The following SGK1 variants were observed in gnomAD, a reference collection of about 807,000 sequenced individuals.
The protein encoded by SGK1 is serine/threonine-protein kinase Sgk1.
A neutral mutation model predicts 64.2 loss-of-function variants in SGK1; 26 were observed. That is an observed-to-expected ratio of 0.40 (90% CI 0.30 to 0.56). The LOEUF (loss-of-function observed/expected upper bound fraction) is 0.56. SGK1 is among the 20% of genes least tolerant of loss of function. The pLI, the probability that SGK1 is intolerant of heterozygous loss-of-function variation, is 0.38. For missense variants in SGK1, 519 were observed against 645.6 expected (o/e 0.80, Z 2.12); for synonymous variants, 265 against 239.7 (o/e 1.11, Z -0.98).
chr6:134,246,686 G>A (rs1208135225), intron 2 of SGK1, among the ~76,000 whole-genome samples: 3 of 151,564 alleles, frequency 2.0e-5, no homozygotes, highest in East Asian at 1.9e-4. Flanking sequence ...TCCACCTACC[G>A]GGTTCAAGCA....
At chr6:134,233,159 G>A (rs896053069) in intron 2 of SGK1, among the ~76,000 whole-genome samples, 2 of 151,960 alleles carry the variant, frequency 1.3e-5, no homozygotes, top group Non-Finnish European at 2.9e-5. Context: ...ATTACAAAAC[G>A]TTGTATTATT....
intron 2 of SGK1, among the ~76,000 whole-genome samples, chr6:134,212,699 C>T (rs1319703102): frequency 6.6e-6 from 1 of 152,114 alleles, no homozygotes; most frequent in African/African-American, 2.4e-5. Flanking sequence ...TAAAATGTTC[C>T]CAAGCACCTA....
intron 1 of SGK1, among the ~76,000 whole-genome samples, chr6:134,299,197 A>G (rs1338101879): frequency 1.5e-5 from 2 of 136,180 alleles, no homozygotes; most frequent in African/African-American, 5.4e-5. Context: ...CTTACAAAAA[A>G]ATTACAAAAA....
At chr6:134,199,004 T>A (rs1384463878) in intron 3 of SGK1, among the ~76,000 whole-genome samples, 1 of 152,114 alleles carries the variant, frequency 6.6e-6, no homozygotes, top group African/African-American at 2.4e-5. Flanking sequence ...TTCTGCCTCA[T>A]CTTCCTTAGT....
At chr6:134,253,499 GA>G (rs1480662228) in intron 2 of SGK1, among the ~76,000 whole-genome samples, 2 of 151,178 alleles carry the variant, frequency 1.3e-5, no homozygotes, top group Non-Finnish European at 3.0e-5. Context: ...ATTTAAAAAA[GA>G]AAAAAAACAA....
At chr6:134,265,374 C>T (rs1243234260) in intron 1 of SGK1, among the ~76,000 whole-genome samples, 1 of 151,630 alleles carries the variant, frequency 6.6e-6, no homozygotes, top group Admixed American at 6.6e-5. Context: ...GCAGGAGAAT[C>T]GCTTGACCCC....
intron 3 of SGK1, among the ~76,000 whole-genome samples, chr6:134,194,372 C>T (rs1399683642): frequency 6.6e-6 from 1 of 152,124 alleles, no homozygotes; most frequent in Non-Finnish European, 1.5e-5. Context: ...GTTTGTGTAC[C>T]TCACTTCCAG....
intron 1 of SGK1, among the ~76,000 whole-genome samples, chr6:134,302,387 G>A (rs1481390400): frequency 6.6e-6 from 1 of 152,158 alleles, no homozygotes; most frequent in African/African-American, 2.4e-5. Context: ...ATCTATAGAA[G>A]ATAAATTAAT....
chr6:134,247,415 A>G (rs1405407074), intron 2 of SGK1, among the ~76,000 whole-genome samples: 1 of 152,114 alleles, frequency 6.6e-6, no homozygotes, highest in Non-Finnish European at 1.5e-5. Flanking sequence ...ATTTACCTAT[A>G]TATGGCCCTC....
In SGK1 at chr6:134,313,837, G is replaced by T. The variant is rs561270534; in HGVS notation, c.69+3555C>A. ...GAGTTGGAGACAATGTCATTTGTTT[G>T]CGTTTTCTAAATCATTATGTAAGAA... On this transcript the variant is annotated intron_variant, in intron 1 of 13. Transcript: ENST00000367858. Among the ~76,000 whole-genome samples, 36 of 152,154 alleles carry T rather than the reference G, an allele frequency of 2.4e-4. 1 individual carries two copies. Among genetic ancestry groups the T allele is most frequent in the African/African-American group, 8.7e-4 (36 of 41,512 alleles).
intron 1 of SGK1, among the ~76,000 whole-genome samples, chr6:134,315,265 C>G (rs1264058201): frequency 6.6e-6 from 1 of 152,156 alleles, no homozygotes; most frequent in Non-Finnish European, 1.5e-5. Flanking sequence ...ACAAGGTCAC[C>G]TTCTACTTAG....
intron 2 of SGK1, among the ~76,000 whole-genome samples, chr6:134,223,260 C>CG (rs1301642668): frequency 3.3e-5 from 5 of 151,146 alleles, no homozygotes; most frequent in African/African-American, 1.2e-4. Context: ...CCCAGCTTCT[C>CG]GGGGGGCTGA....
chr6:134,194,251 A>T (rs990096793), intron 3 of SGK1, among the ~76,000 whole-genome samples: 17 of 151,986 alleles, frequency 1.1e-4, no homozygotes, highest in African/African-American at 4.1e-4. Context: ...AGCCAATCAC[A>T]GCAACCAAAC....
intron 3 of SGK1, among the ~76,000 whole-genome samples, chr6:134,196,188 G>A (rs1775591446): frequency 6.6e-6 from 1 of 152,164 alleles, no homozygotes. Flanking sequence ...GCACGTGACT[G>A]TAATCCCAGC....
intron 9 of SGK1, 173 bp from the exon 10 acceptor site, chr6:134,172,489 T>C: frequency 1.2e-6 from 1 of 801,156 alleles, no homozygotes; most frequent in Non-Finnish European, 2.0e-6. Flanking sequence ...GGCACAATCC[T>C]ACTTGGCTGG....
In SGK1 at chr6:134,317,750, T is replaced by G. The variant is rs1777709262; in HGVS notation, c.-290A>C. On this transcript the variant is annotated 5_prime_UTR_variant, in exon 1 of 14. Transcript: ENST00000367858. ...GGGCCGGACGGTGGGATACGGCCAA[T>G]CTCCGGGGAGATGCTGTGGCTCTTA... is the stretch of plus-strand genomic sequence containing the variant. The G allele has an allele frequency of 2.9e-6, 1 of 345,976 alleles. No individual in the cohort carries two copies. The highest frequency in any genetic ancestry group is 2.1e-5 in the African/African-American group (1 of 47,820). The allele number at this position is 345,976 out of a possible 1,614,324, so 21.4% of individuals were successfully genotyped here. A position where few individuals can be genotyped will look rare whatever the true frequency, so the allele number is the denominator to read the frequency against.
chr6:134,175,587 G>A, intron 3 of SGK1: 7 of 1,569,130 alleles, frequency 4.5e-6, no homozygotes, highest in Non-Finnish European at 5.2e-6. Context: ...TCTGCGCCTC[G>A]GCCCTCTTTT....
chr6:134,246,909 T>C (rs1028743379), intron 2 of SGK1, among the ~76,000 whole-genome samples: 1 of 152,148 alleles, frequency 6.6e-6, no homozygotes, highest in African/African-American at 2.4e-5. Context: ...ATTTTATAAA[T>C]GGGAAACTTA....
At chr6:134,191,545 C>T (rs111323503) in intron 3 of SGK1, among the ~76,000 whole-genome samples, 17 of 152,256 alleles carry the variant, frequency 1.1e-4, no homozygotes, top group African/African-American at 3.6e-4. Flanking sequence ...TACCTATCAG[C>T]GAAATGAACA....
Sources: allele counts gnomAD v4.1 joint callset (sites outside exome capture counted in the v4.1 genomes callset), GRCh38; gene constraint gnomAD v4.1.1; transcripts MANE v1.5; gene names NCBI Gene and HGNC (gene_info 2026-07-23, HGNC 2026-07-21).